The following ACTR2 variants were observed in gnomAD, a reference collection of about 807,000 sequenced individuals.
The protein encoded by ACTR2 is actin related protein 2, also known as actin-related protein 2.
A neutral mutation model predicts 50.2 loss-of-function variants in ACTR2; 5 were observed. The observed-to-expected ratio is 0.10, with a 90% confidence interval of 0.05 to 0.21. The LOEUF (loss-of-function observed/expected upper bound fraction) is 0.21, where lower values mean the gene tolerates loss of function less well. Among genes scored for constraint, ACTR2 ranks in the 10% least tolerant of loss-of-function variants. The pLI is 1.00. For missense variants in ACTR2, 180 were observed against 480.6 expected, an observed-to-expected ratio of 0.37 and a Z score of 5.85; for synonymous variants, 140 against 162.9, an observed-to-expected ratio of 0.86 and a Z score of 1.07.
intron 1 of ACTR2, among the ~76,000 whole-genome samples, chr2:65,238,334 C>T (rs13419887): frequency 0.33 from 49,850 of 151,882 alleles, 9,146 homozygotes; most frequent in African/African-American, 0.48. Flanking sequence ...TTATGTTACC[C>T]GGTATTACTA....
intron 1 of ACTR2, among the ~76,000 whole-genome samples, chr2:65,233,809 C>G (rs1290128348): frequency 6.6e-6 from 1 of 152,030 alleles, no homozygotes; most frequent in Non-Finnish European, 1.5e-5. Flanking sequence ...TGGGGTTTCA[C>G]CATATTGGCC....
At position 65,239,402 on chromosome 2, in the gene ACTR2, C is replaced by T. The variant is rs113605171; in HGVS notation, c.49-450C>T. The stretch of plus-strand genomic sequence containing the variant: ...CCAGGAGGCGGAGGTTGCAGTGAGC[C>T]GAGATTGTGCCATTGCACTTCTGCC... On this transcript the variant is annotated intron_variant, in intron 1 of 8. Coordinates refer to ENST00000260641, the MANE Select transcript of ACTR2 (RefSeq NM_005722.4). 8.1e-3 allele frequency among the ~76,000 whole-genome samples: 1,231 copies of T among 152,244 alleles called. 19 individuals are homozygous for T. Among genetic ancestry groups the T allele is most frequent in the African/African-American group, 0.024 (1,005 of 41,554 alleles).
intron 1 of ACTR2, among the ~76,000 whole-genome samples, chr2:65,239,478 A>G (rs1025531130): frequency 7.2e-5 from 11 of 152,236 alleles, no homozygotes; most frequent in Admixed American, 2.0e-4. Flanking sequence ...AAAAAACCTT[A>G]GCATTTGTTC....
chr2:65,267,939 T>C (rs268873), intron 8 of ACTR2, among the ~76,000 whole-genome samples: 124,318 of 144,058 alleles, frequency 0.86, 53,715 homozygotes, highest in African/African-American at 0.92. Flanking sequence ...CAGGTTTACG[T>C]CATTCTCCTG....
At chr2:65,255,216 T>C (rs1672127181) in intron 5 of ACTR2, among the ~76,000 whole-genome samples, 1 of 152,216 alleles carries the variant, frequency 6.6e-6, no homozygotes, top group Admixed American at 6.6e-5. Context: ...AGGAGTCCAG[T>C]ACTAAAATAA....
At chr2:65,260,400 G>A (rs1672246322) in intron 6 of ACTR2, among the ~76,000 whole-genome samples, 1 of 152,174 alleles carries the variant, frequency 6.6e-6, no homozygotes, top group African/African-American at 2.4e-5. Flanking sequence ...GAGCTACTCA[G>A]GAGGCTGAGG....
At chr2:65,229,730 G>A (rs1452314024) in intron 1 of ACTR2, among the ~76,000 whole-genome samples, 5 of 122,796 alleles carry the variant, frequency 4.1e-5, no homozygotes, top group Admixed American at 2.1e-4. Flanking sequence ...CAGCCTGGGC[G>A]ACAGAGCAAG....
intron 3 of ACTR2, among the ~76,000 whole-genome samples, chr2:65,248,048 G>C (rs1311642266): frequency 6.6e-6 from 1 of 152,182 alleles, no homozygotes; most frequent in Non-Finnish European, 1.5e-5. Context: ...GTGTGGTTGA[G>C]GAGAGAGCAA....
At chr2:65,245,554 T>G (rs1295590381) in intron 2 of ACTR2, among the ~76,000 whole-genome samples, 1 of 152,164 alleles carries the variant, frequency 6.6e-6, no homozygotes, top group Non-Finnish European at 1.5e-5. Context: ...TGCTGCTGCT[T>G]TTTTTTGTCT....
chr2:65,252,406 C>T (rs1382670540), intron 4 of ACTR2, among the ~76,000 whole-genome samples: 2 of 151,630 alleles, frequency 1.3e-5, no homozygotes, highest in Non-Finnish European at 2.9e-5. Context: ...TTTGGGAGGC[C>T]GAGGTGGGTG....
intron 1 of ACTR2, among the ~76,000 whole-genome samples, chr2:65,229,864 T>G (rs1344290224): frequency 6.6e-6 from 1 of 152,096 alleles, no homozygotes; most frequent in Non-Finnish European, 1.5e-5. Context: ...AGATTTTAAG[T>G]TGAAAAAGGT....
Position 65,271,055 on chromosome 2 carries a change from T to C in ACTR2, c.*2321T>C, listed in dbSNP as rs534603143. ...AGGGTTTTTTTAGAAATACATTTAG[T>C]AAAGTCCCCAAGACATTAGTCTTAC... On this transcript the variant is annotated 3_prime_UTR_variant, in exon 9 of 9. Coordinates refer to ENST00000260641, the MANE Select transcript of ACTR2 (RefSeq NM_005722.4). 3.3e-5 allele frequency: 5 copies of C among 152,336 alleles called. No homozygotes were observed. The South Asian group carries it at 1.0e-3, about 32-fold the overall frequency. The allele number at this position is 152,336 out of a possible 1,614,324, so 9.4% of individuals were successfully genotyped here. A position where few individuals can be genotyped will look rare whatever the true frequency, so the allele number is the denominator to read the frequency against.
At chr2:65,257,148 C>G (rs1672165250) in intron 6 of ACTR2, among the ~76,000 whole-genome samples, 1 of 151,400 alleles carries the variant, frequency 6.6e-6, no homozygotes, top group African/African-American at 2.4e-5. Flanking sequence ...CCTCCCTGTG[C>G]CCATATGTTC....
chr2:65,246,455 T>C, intron 2 of ACTR2, 69 bp from the exon 3 acceptor site: 1 of 1,089,472 alleles, frequency 9.2e-7, no homozygotes, highest in South Asian at 1.7e-5. Context: ...AATATTAAAA[T>C]TAATTATTCC....
In ACTR2 at chr2:65,253,876, G is replaced by GA. The variant is rs3217129; in HGVS notation, c.585+16dup. On this transcript the variant is annotated intron_variant, in intron 5 of 8. Transcript: ENST00000260641. ...GATATCTTATCAAGGTAAGTGAAAG[G>GA]AAAATATCATGGAAATTAAATTTTG... The GA allele has an allele frequency of 2.4e-3, 3,846 of 1,598,878 alleles. 97 individuals carry two copies. The East Asian group carries it at 0.054, about 22-fold the overall frequency.
intron 4 of ACTR2, among the ~76,000 whole-genome samples, chr2:65,251,301 A>G (rs574282648): frequency 2.5e-5 from 2 of 78,938 alleles, no homozygotes; most frequent in South Asian, 8.4e-4. Context: ...TATGTATTTA[A>G]GGTAAAAAAA....
chr2:65,271,187 C>T lies in ACTR2; in HGVS notation c.*2453C>T, dbSNP rs1206094817. 5.9e-5 allele frequency: 9 copies of T among 152,086 alleles called. No homozygotes were observed. Among genetic ancestry groups the T allele is most frequent in the Non-Finnish European group, 7.4e-5 (5 of 67,994 alleles). 9.4% of individuals were successfully genotyped at this position (152,086 alleles called of 1,614,324 possible). A position where few individuals can be genotyped will look rare whatever the true frequency, so the allele number is the denominator to read the frequency against. On this transcript the variant is annotated 3_prime_UTR_variant, in exon 9 of 9. Transcript: ENST00000260641. The stretch of plus-strand genomic sequence containing the variant: ...CTTGAGATATCAGTGGAAAGCTAAA[C>T]AGTCTAAATTAACATGAAATACTTC...
At chr2:65,235,169 GGTGTGTGTGT>G (rs35663752) in intron 1 of ACTR2, among the ~76,000 whole-genome samples, 29 of 149,890 alleles carry the variant, frequency 1.9e-4, no homozygotes, top group Admixed American at 2.0e-4. Flanking sequence ...GTGTGTGAGA[GGTGTGTGTGT>G]GTGTGTGTGT....
rs546289463 is a variant in ACTR2, at chr2:65,249,353, T to C, written c.376-1674T>C. Among the ~76,000 whole-genome samples the C allele has an allele frequency of 6.6e-5, 10 of 152,338 alleles. No individual in the cohort carries two copies. In the East Asian group the frequency reaches 1.5e-3, roughly 24 times the overall value. ...TAAGATCATGGTTTTAAAGAATCCA[T>C]ATGATTTCTTATGGCTTATATTTTA... On this transcript the variant is annotated intron_variant, in intron 3 of 8. Coordinates refer to ENST00000260641, the MANE Select transcript of ACTR2 (RefSeq NM_005722.4).
Sources: allele counts gnomAD v4.1 joint callset (sites outside exome capture counted in the v4.1 genomes callset), GRCh38; gene constraint gnomAD v4.1.1; transcripts MANE v1.5; gene names NCBI Gene and HGNC (gene_info 2026-07-23, HGNC 2026-07-21).